MACROD2: variants seen among roughly 807,000 people sequenced by gnomAD.
MACROD2 encodes the protein mono-ADP ribosylhydrolase 2.
In MACROD2, 36 loss-of-function variants were observed where a neutral mutation model predicts 70.4. That is an observed-to-expected ratio of 0.51 (90% CI 0.39 to 0.68). The LOEUF is 0.68. Ranked by LOEUF, MACROD2 falls within the 30% of genes least tolerant of loss-of-function variation. The pLI, the probability that MACROD2 is intolerant of heterozygous loss-of-function variation, is 0.00. For missense variants in MACROD2, 496 were observed against 538.4 expected (o/e 0.92, Z 0.78); for synonymous variants, 172 against 178.8 (o/e 0.96, Z 0.30).
rs1206108160 is a variant in MACROD2 at position 14,723,028 on chromosome 20, C to A, written c.418+38069C>A. ...TGTCAGACCACCTTGCAGGTTAAAT[C>A]TGTAACCCAAACACCTCCCCACTTC... On this transcript the variant is annotated intron_variant, in intron 5 of 17. Transcript: ENST00000684519. Among the ~76,000 whole-genome samples, 4 of 152,220 alleles carry A rather than the reference C, an allele frequency of 2.6e-5. No homozygotes were observed. In the South Asian group the frequency reaches 6.2e-4, roughly 24 times the overall value.
At chr20:14,836,634 C>G (rs1356757532) in intron 5 of MACROD2, among the ~76,000 whole-genome samples, 1 of 152,042 alleles carries the variant, frequency 6.6e-6, no homozygotes, top group Non-Finnish European at 1.5e-5. Flanking sequence ...CTATACTAGT[C>G]AATCAAATTC....
chr20:15,612,953 A>G (rs1277316476), intron 8 of MACROD2, among the ~76,000 whole-genome samples: 9 of 152,196 alleles, frequency 5.9e-5, no homozygotes, highest in Non-Finnish European at 1.3e-4. Context: ...CAGCATGATC[A>G]CACATTTCAG....
chr20:14,477,184 A>G (rs1373552261), intron 3 of MACROD2, among the ~76,000 whole-genome samples: 2 of 152,200 alleles, frequency 1.3e-5, no homozygotes, highest in East Asian at 3.8e-4. Flanking sequence ...GCACAAGCGA[A>G]GAGGGTACTA....
intron 5 of MACROD2, among the ~76,000 whole-genome samples, chr20:14,850,875 T>C (rs2073192400): frequency 6.6e-6 from 1 of 152,104 alleles, no homozygotes; most frequent in South Asian, 2.1e-4. Flanking sequence ...TTATAATATA[T>C]AAAAAAGATA....
chr20:14,646,837 C>T (rs1361003060), intron 4 of MACROD2, among the ~76,000 whole-genome samples: 1 of 152,044 alleles, frequency 6.6e-6, no homozygotes, highest in Non-Finnish European at 1.5e-5. Context: ...AATTGTATTT[C>T]TTTACCATGT....
At chr20:15,121,513 C>CA (rs5840653) in intron 5 of MACROD2, among the ~76,000 whole-genome samples, 52,943 of 121,784 alleles carry the variant, frequency 0.43, 11,499 homozygotes, top group East Asian at 0.74. Flanking sequence ...AACTCTGCCT[C>CA]AAAAAAAAAA....
chr20:14,226,448 A>T, intron 3 of MACROD2, among the ~76,000 whole-genome samples: 1 of 152,144 alleles, frequency 6.6e-6, no homozygotes, highest in East Asian at 1.9e-4. Flanking sequence ...GCACTGTGTG[A>T]GCCCCTTTCT....
At chr20:15,382,541 AT>A (rs1600326923) in intron 6 of MACROD2, among the ~76,000 whole-genome samples, 1 of 152,328 alleles carries the variant, frequency 6.6e-6, no homozygotes, top group East Asian at 1.9e-4. Context: ...ACAGGAATGA[AT>A]GATTGCTCAT....
chr20:15,717,716 G>C (rs748030772), intron 8 of MACROD2, among the ~76,000 whole-genome samples: 1 of 152,138 alleles, frequency 6.6e-6, no homozygotes, highest in African/African-American at 2.4e-5. Flanking sequence ...CCTGAGAATT[G>C]ACCCTTGCAT....
chr20:15,040,830 A>G (rs140326817), intron 5 of MACROD2, among the ~76,000 whole-genome samples: 1 of 152,318 alleles, frequency 6.6e-6, no homozygotes, highest in East Asian at 1.9e-4. Flanking sequence ...AAGTAACTCT[A>G]GAGTCTTGGC....
At chr20:14,675,351 A>T (rs542521362) in intron 4 of MACROD2, among the ~76,000 whole-genome samples, 1 of 152,330 alleles carries the variant, frequency 6.6e-6, no homozygotes, top group East Asian at 1.9e-4. Flanking sequence ...CTAACAGCAG[A>T]TCTCTCTGAA....
intron 4 of MACROD2, among the ~76,000 whole-genome samples, chr20:14,539,110 T>C (rs892223074): frequency 6.6e-6 from 1 of 152,214 alleles, no homozygotes; most frequent in Non-Finnish European, 1.5e-5. Context: ...TAGACAAAAT[T>C]TGGCAACAGT....
At chr20:14,463,258 G>T (rs554175102) in intron 3 of MACROD2, among the ~76,000 whole-genome samples, 2 of 152,064 alleles carry the variant, frequency 1.3e-5, no homozygotes, top group Admixed American at 1.3e-4. Flanking sequence ...CACATCCCTT[G>T]TAAGTTGGAT....
At chr20:15,490,165 T>TCCTC (rs1353964160) in intron 7 of MACROD2, among the ~76,000 whole-genome samples, 2 of 143,436 alleles carry the variant, frequency 1.4e-5, no homozygotes, top group South Asian at 2.5e-4. Flanking sequence ...CTTCCTTCCT[T>TCCTC]CCTCCTTTCC....
intron 8 of MACROD2, among the ~76,000 whole-genome samples, chr20:15,537,184 T>A (rs1490307203): frequency 6.6e-6 from 1 of 152,228 alleles, no homozygotes; most frequent in African/African-American, 2.4e-5. Context: ...GATGGTTTTA[T>A]AAGATTAAAC....
chr20:14,119,159 A>ATT (rs1181793101), intron 3 of MACROD2, among the ~76,000 whole-genome samples: 1,545 of 56,722 alleles, frequency 0.027, 117 homozygotes, highest in South Asian at 0.04. Context: ...AATGACTGTG[A>ATT]TTTTTTTTTT....
chr20:14,300,448 A>G (rs1161443521), intron 3 of MACROD2, among the ~76,000 whole-genome samples: 1 of 152,164 alleles, frequency 6.6e-6, no homozygotes, highest in Non-Finnish European at 1.5e-5. Context: ...AAAAGAAACA[A>G]AGCTCTTGGG....
chr20:15,149,905 G>A (rs753841856), intron 5 of MACROD2, among the ~76,000 whole-genome samples: 3 of 152,022 alleles, frequency 2.0e-5, no homozygotes, highest in Non-Finnish European at 4.4e-5. Flanking sequence ...ATGGAAAGAT[G>A]AGTGGGGAAA....
intron 2 of MACROD2, among the ~76,000 whole-genome samples, chr20:14,056,798 G>T (rs2053635222): frequency 6.6e-6 from 1 of 150,636 alleles, no homozygotes; most frequent in South Asian, 2.1e-4. Flanking sequence ...TCCTCTGAAG[G>T]GTATACAGTT....
Sources: allele counts gnomAD v4.1 joint callset (sites outside exome capture counted in the v4.1 genomes callset), GRCh38; gene constraint gnomAD v4.1.1; transcripts MANE v1.5; gene names NCBI Gene and HGNC (gene_info 2026-07-23, HGNC 2026-07-21).